The following CNTN5 variants were observed in gnomAD, a reference collection of about 807,000 sequenced individuals.
CNTN5 encodes contactin-5.
CNTN5 carries 77 observed loss-of-function variants against 129.1 expected under a neutral mutation model. The observed-to-expected ratio is 0.60, with a 90% CI of 0.50 to 0.72. CNTN5 has a LOEUF of 0.72. Ranked by LOEUF, CNTN5 falls within the 30% of genes least tolerant of loss-of-function variation. The pLI is 0.00. For missense variants in CNTN5, 1,478 were observed against 1,328.8 expected (o/e 1.11, Z -1.75); for synonymous variants, 509 against 465.6 (o/e 1.09, Z -1.20).
chr11:99,648,363 T>C (rs1193856339), intron 3 of CNTN5, among the ~76,000 whole-genome samples: 6 of 151,526 alleles, frequency 4.0e-5, no homozygotes, highest in Non-Finnish European at 5.9e-5. Context: ...AAAACCACAA[T>C]AAGCTGTCAT....
At position 100,071,840 on chromosome 11, in the gene CNTN5, C is replaced by G; in HGVS notation, c.1429+6C>G. 1 of 1,577,292 alleles carries G rather than the reference C, an allele frequency of 6.3e-7. No homozygotes were observed. The highest frequency in any genetic ancestry group is 8.6e-7 in the Non-Finnish European group (1 of 1,168,150). ...TGCTGAGCTGAAGATTCTAGGTATG[C>G]AGTTTCTAAGTGAATAAATTGAAAA... On this transcript the variant is annotated splice_donor_region_variant and intron_variant, in intron 12 of 24. Coordinates refer to ENST00000524871, the MANE Select transcript of CNTN5 (RefSeq NM_014361.4).
chr11:99,432,835 C>A (rs1482673244), intron 2 of CNTN5, among the ~76,000 whole-genome samples: 1 of 151,146 alleles, frequency 6.6e-6, no homozygotes, highest in Non-Finnish European at 1.5e-5. Flanking sequence ...TGATGGGTGG[C>A]TGAATTATTA....
intron 1 of CNTN5, among the ~76,000 whole-genome samples, chr11:99,254,634 C>A (rs769642925): frequency 6.6e-6 from 1 of 151,734 alleles, no homozygotes; most frequent in Non-Finnish European, 1.5e-5. Context: ...CTTGAATGTT[C>A]CTATTTTAGT....
chr11:99,737,588 AAAT>A (rs373500315), intron 3 of CNTN5, among the ~76,000 whole-genome samples: 1 of 152,272 alleles, frequency 6.6e-6, no homozygotes, highest in African/African-American at 2.4e-5. Context: ...AGCACTGAAA[AAAT>A]AATCCAAGCA....
chr11:99,022,321 G>A (rs1862909556), intron 1 of CNTN5, among the ~76,000 whole-genome samples: 1 of 152,118 alleles, frequency 6.6e-6, no homozygotes, highest in Non-Finnish European at 1.5e-5. Flanking sequence ...ATCGATTACT[G>A]TTGAATTGCA....
At chr11:100,345,759 T>A (rs482851) in intron 23 of CNTN5, among the ~76,000 whole-genome samples, 111,087 of 151,940 alleles carry the variant, frequency 0.73, 42,246 homozygotes, top group East Asian at 0.97. Context: ...CCACTGATTT[T>A]TTTTTGAGAT....
intron 1 of CNTN5, among the ~76,000 whole-genome samples, chr11:99,157,503 T>C (rs1860392683): frequency 6.6e-6 from 1 of 152,198 alleles, no homozygotes; most frequent in Admixed American, 6.5e-5. Context: ...AGCAAAAAAA[T>C]TGATATCAAG....
chr11:100,105,015 A>G (rs1348170950), intron 13 of CNTN5, among the ~76,000 whole-genome samples: 1 of 152,196 alleles, frequency 6.6e-6, no homozygotes, highest in Non-Finnish European at 1.5e-5. Context: ...TAACTCTATG[A>G]TAAAGGCAGG....
chr11:100,347,704 A>G lies in CNTN5; in HGVS notation c.3031-2998A>G, dbSNP rs372455441. On this transcript the variant is annotated intron_variant, in intron 23 of 24. Coordinates refer to ENST00000524871, the MANE Select transcript of CNTN5 (RefSeq NM_014361.4). ...ACTGATACTGTGTCTCCCAACTTCT[A>G]TTCATCTAACTTCCATTGTCTTACT... is the stretch of plus-strand genomic sequence containing the variant. 7.2e-5 allele frequency among the ~76,000 whole-genome samples: 11 copies of G among 152,042 alleles called. No homozygotes were observed. The East Asian group carries it at 1.4e-3, about 19-fold the overall frequency.
chr11:99,438,779 G>A (rs1943699950), intron 2 of CNTN5, among the ~76,000 whole-genome samples: 1 of 152,126 alleles, frequency 6.6e-6, no homozygotes, highest in South Asian at 2.1e-4. Flanking sequence ...TTATACATAT[G>A]TAAGTTCATA....
At chr11:99,125,225 C>T (rs1858563585) in intron 1 of CNTN5, among the ~76,000 whole-genome samples, 1 of 151,868 alleles carries the variant, frequency 6.6e-6, no homozygotes, top group African/African-American at 2.4e-5. Flanking sequence ...ACTATAAAAC[C>T]GAATCCAGCA....
intron 1 of CNTN5, among the ~76,000 whole-genome samples, chr11:99,129,353 C>T (rs142492281): frequency 0.016 from 2,403 of 152,156 alleles, 28 homozygotes; most frequent in Middle Eastern, 0.034. Context: ...GAGAGACTAT[C>T]ACAGCTTGAA....
chr11:99,906,962 G>A (rs1271699269), intron 6 of CNTN5, among the ~76,000 whole-genome samples: 1 of 152,114 alleles, frequency 6.6e-6, no homozygotes, highest in Non-Finnish European at 1.5e-5. Context: ...TGTGGGATCA[G>A]TGGTGATATC....
intron 8 of CNTN5, among the ~76,000 whole-genome samples, chr11:99,993,866 TGTCCTTATATCATCACTCTTAGTG>T (rs1157955943): frequency 1.3e-4 from 20 of 152,184 alleles, no homozygotes; most frequent in African/African-American, 4.8e-4. Flanking sequence ...CTTTCTAATA[TGTCCTTATATCATCACTCTTAGTG>T]TGATGAGAAA....
chr11:99,819,470 GA>G, intron 3 of CNTN5, 73 bp from the exon 4 acceptor site: 1 of 1,343,872 alleles, frequency 7.4e-7, no homozygotes, highest in Non-Finnish European at 1.0e-6. Flanking sequence ...TGTCTTCAAA[GA>G]AACAATCTTC....
At chr11:99,152,171 G>A (rs570796298) in intron 1 of CNTN5, among the ~76,000 whole-genome samples, 2 of 152,094 alleles carry the variant, frequency 1.3e-5, no homozygotes, top group Non-Finnish European at 2.9e-5. Flanking sequence ...CAGTCATTAT[G>A]ATAATAAACT....
intron 3 of CNTN5, among the ~76,000 whole-genome samples, chr11:99,629,327 C>A (rs992526416): frequency 6.6e-6 from 1 of 151,960 alleles, no homozygotes; most frequent in African/African-American, 2.4e-5. Flanking sequence ...AGATTTTATT[C>A]TTGTCTCTAT....
intron 2 of CNTN5, among the ~76,000 whole-genome samples, chr11:99,550,956 G>T (rs1948461180): frequency 6.6e-6 from 1 of 152,100 alleles, no homozygotes. Context: ...CAAAAAGTTT[G>T]TTTAAGGCTA....
intron 6 of CNTN5, among the ~76,000 whole-genome samples, chr11:99,897,486 T>G (rs1184672230): frequency 1.3e-5 from 2 of 151,836 alleles, no homozygotes; most frequent in African/African-American, 2.4e-5. Context: ...GAGGTTGGTG[T>G]TGTATTTTTA....
Sources: gnomAD v4.1 joint callset for allele counts (sites outside exome capture counted in the v4.1 genomes callset) on GRCh38, gnomAD v4.1.1 for gene constraint, MANE v1.5 for transcripts, NCBI Gene and HGNC (gene_info 2026-07-23, HGNC 2026-07-21) for gene names.